PHLPP1: variants seen among roughly 807,000 people sequenced by gnomAD.
PHLPP1 encodes the protein PH domain and leucine rich repeat protein phosphatase 1.
PHLPP1 carries 42 observed loss-of-function variants against 117.2 expected under a neutral mutation model. The ratio of observed to expected loss-of-function variants is 0.36; its 90% CI spans 0.28 to 0.46. PHLPP1 has a LOEUF of 0.46. PHLPP1 is among the 20% of genes least tolerant of loss of function. The probability of loss-of-function intolerance (pLI) is 1.00; values close to 1 mark genes in which losing one functional copy is unlikely to be tolerated. For missense variants in PHLPP1, 2,084 were observed against 2,241.9 expected, an observed-to-expected ratio of 0.93 and a Z score of 1.42; for synonymous variants, 1,042 against 970.7, an observed-to-expected ratio of 1.07 and a Z score of -1.37.
chr18:62,948,672 ATTT>A (rs779742343), intron 12 of PHLPP1, among the ~76,000 whole-genome samples: 1 of 142,446 alleles, frequency 7.0e-6, no homozygotes. Flanking sequence ...TGTTGTTGGG[ATTT>A]TTTTTTTTTT....
chr18:62,800,878 G>C (rs1329364323), intron 1 of PHLPP1, among the ~76,000 whole-genome samples: 1 of 152,108 alleles, frequency 6.6e-6, no homozygotes, highest in Non-Finnish European at 1.5e-5. Context: ...TCTTGTCACT[G>C]TTGGTGGAGG....
intron 3 of PHLPP1, among the ~76,000 whole-genome samples, chr18:62,841,886 G>T (rs1444844527): frequency 1.1e-4 from 17 of 152,128 alleles, no homozygotes; most frequent in Admixed American, 1.1e-3. Context: ...TTTTAGAAAG[G>T]CTTTGATTAG....
At chr18:62,776,609 GTTTTT>G (rs35582464) in intron 1 of PHLPP1, among the ~76,000 whole-genome samples, 1 of 137,050 alleles carries the variant, frequency 7.3e-6, no homozygotes, top group Non-Finnish European at 1.6e-5. Flanking sequence ...ATTGCTGAGT[GTTTTT>G]TTTTTTTTTT....
intron 4 of PHLPP1, among the ~76,000 whole-genome samples, chr18:62,882,329 C>A (rs1916190740): frequency 1.3e-5 from 2 of 150,526 alleles, no homozygotes; most frequent in Non-Finnish European, 2.9e-5. Context: ...AGTGCAGTGG[C>A]GTGATCTCAG....
intron 1 of PHLPP1, among the ~76,000 whole-genome samples, chr18:62,760,036 T>C (rs1599030026): frequency 2.0e-5 from 3 of 152,338 alleles, no homozygotes; most frequent in Admixed American, 2.0e-4. Flanking sequence ...TCTGTTTCTA[T>C]TAGAAATGAT....
At chr18:62,759,083 C>T (rs781450872) in intron 1 of PHLPP1, among the ~76,000 whole-genome samples, 2 of 152,144 alleles carry the variant, frequency 1.3e-5, no homozygotes, top group African/African-American at 4.8e-5. Context: ...GTCCTTAAGA[C>T]AACTTGTAGC....
In PHLPP1 at chr18:62,717,072, T is replaced by TA; in HGVS notation, c.1389_1390insA (p.Pro464ThrfsTer32). ...GCGGGGTGACCGCGGAGAAGGCGCCTCCGCCGCCCCCGCCGCCCACCCTGT... is the reference window on the plus strand; with the variant it reads ...GCGGGGTGACCGCGGAGAAGGCGCCTACCGCCGCCCCCGCCGCCCACCCTGT... On this transcript the variant is annotated frameshift_variant, in exon 1 of 17. Transcript: ENST00000262719. LOFTEE classifies it high-confidence loss of function. The TA allele has an allele frequency of 2.3e-6, 3 of 1,323,238 alleles. No individual in the cohort carries two copies. Among genetic ancestry groups the TA allele is most frequent in the Non-Finnish European group, 3.2e-6 (3 of 951,182 alleles). 82.0% of individuals were successfully genotyped at this position (1,323,238 alleles called of 1,614,324 possible).
rs769169879 is a variant in PHLPP1 at position 62,975,364 on chromosome 18, G to A, written c.3756-33G>A. 7 of 1,482,854 alleles carry A rather than the reference G, an allele frequency of 4.7e-6. No homozygotes were observed. In the East Asian group the frequency reaches 1.1e-4, roughly 24 times the overall value. 91.9% of individuals were successfully genotyped at this position (1,482,854 alleles called of 1,614,324 possible). A position where few individuals can be genotyped will look rare whatever the true frequency, so the allele number is the denominator to read the frequency against. On this transcript the variant is annotated intron_variant, in intron 15 of 16. Coordinates refer to ENST00000262719, the MANE Select transcript of PHLPP1 (RefSeq NM_194449.4). ...TGCAGAACTGGCACTGATGGGCTGT[G>A]TTTGAGTGTCACCCCCTCTCTTCGG...
chr18:62,806,530 G>A (rs1336227355), intron 1 of PHLPP1, among the ~76,000 whole-genome samples: 1 of 152,038 alleles, frequency 6.6e-6, no homozygotes, highest in Non-Finnish European at 1.5e-5. Context: ...GTTCTTGTTG[G>A]TCCTAATATT....
intron 14 of PHLPP1, among the ~76,000 whole-genome samples, chr18:62,964,441 G>A (rs1599144454): frequency 1.3e-5 from 2 of 152,162 alleles, no homozygotes; most frequent in South Asian, 4.1e-4. Context: ...CTGCCATTCT[G>A]CCTGCTTTTC....
intron 1 of PHLPP1, among the ~76,000 whole-genome samples, chr18:62,743,401 T>TTG (rs1452722173): frequency 6.6e-6 from 1 of 152,136 alleles, no homozygotes; most frequent in Non-Finnish European, 1.5e-5. Context: ...GCATCAGCAG[T>TTG]TGCCAACTCA....
intron 1 of PHLPP1, among the ~76,000 whole-genome samples, chr18:62,755,648 C>T (rs1046825801): frequency 6.6e-6 from 1 of 152,198 alleles, no homozygotes. Context: ...ATCAAATCTA[C>T]TGGTGCCTTG....
At chr18:62,946,198 C>A (rs1428493677) in intron 12 of PHLPP1, among the ~76,000 whole-genome samples, 3 of 152,132 alleles carry the variant, frequency 2.0e-5, no homozygotes, top group South Asian at 2.1e-4. Flanking sequence ...TGATATAAAC[C>A]TTGTGTTTTA....
chr18:62,871,791 C>T (rs1167470286), intron 4 of PHLPP1, among the ~76,000 whole-genome samples: 6 of 151,674 alleles, frequency 4.0e-5, no homozygotes, highest in South Asian at 4.1e-4. Flanking sequence ...ATTACAGGCA[C>T]GCGCCACCAC....
At chr18:62,915,324 T>G (rs746262581) in intron 9 of PHLPP1, among the ~76,000 whole-genome samples, 4 of 152,222 alleles carry the variant, frequency 2.6e-5, no homozygotes, top group Non-Finnish European at 5.9e-5. Context: ...GAATCTTAAG[T>G]CTTTCAGAAT....
intron 1 of PHLPP1, among the ~76,000 whole-genome samples, chr18:62,766,104 A>ATATTATATATATATATATAT (rs1289379653): frequency 2.4e-5 from 1 of 40,990 alleles, no homozygotes; most frequent in Non-Finnish European, 5.5e-5. Flanking sequence ...TATATATATA[A>ATATTATATATATATATATAT]AATATATATA....
chr18:62,773,469 A>G (rs952145703), intron 1 of PHLPP1, among the ~76,000 whole-genome samples: 1 of 152,200 alleles, frequency 6.6e-6, no homozygotes, highest in Non-Finnish European at 1.5e-5. Context: ...GGGTGTTGTG[A>G]GAACTTTGGC....
chr18:62,891,888 CAA>C (rs574107579), intron 4 of PHLPP1, among the ~76,000 whole-genome samples: 2,376 of 78,972 alleles, frequency 0.03, 11 homozygotes, highest in Middle Eastern at 0.056. Flanking sequence ...GACCCTTTCT[CAA>C]AAAAAAAAAA....
rs1178649959 is a variant in PHLPP1 at position 62,860,351 on chromosome 18, A to C, written c.1900-84A>C. 8.8e-6 allele frequency: 10 copies of C among 1,131,910 alleles called. No homozygotes were observed. In the African/African-American group the frequency reaches 1.2e-4, roughly 14 times the overall value. The allele number at this position is 1,131,910 out of a possible 1,614,324, so 70.1% of individuals were successfully genotyped here. On this transcript the variant is annotated intron_variant, in intron 3 of 16. Transcript: ENST00000262719. Reference sequence around the variant, plus strand: ...CTACTTTCATAGAATATCTGTTCCAAATTGGGATTATCTTATTTCTATCCA... The same window carrying C: ...CTACTTTCATAGAATATCTGTTCCACATTGGGATTATCTTATTTCTATCCA...
Sources: allele counts gnomAD v4.1 joint callset (sites outside exome capture counted in the v4.1 genomes callset), GRCh38; gene constraint gnomAD v4.1.1; transcripts MANE v1.5; gene names NCBI Gene and HGNC (gene_info 2026-07-23, HGNC 2026-07-21).